The following SOD2 variants were observed in gnomAD, a reference collection of about 807,000 sequenced individuals.
SOD2 encodes the protein superoxide dismutase [Mn], mitochondrial.
A neutral mutation model predicts 27.0 loss-of-function variants in SOD2; 11 were observed. The ratio of observed to expected loss-of-function variants is 0.41; its 90% CI spans 0.26 to 0.67. The LOEUF (loss-of-function observed/expected upper bound fraction) is 0.67, where lower values mean the gene tolerates loss of function less well. SOD2 is among the 30% of genes least tolerant of loss of function. SOD2 has a pLI of 0.34. For synonymous variants in SOD2, 105 were observed against 103.0 expected (o/e 1.02, Z -0.12); for missense variants, 250 against 274.5 (o/e 0.91, Z 0.63).
intron 1 of SOD2, among the ~76,000 whole-genome samples, chr6:159,750,710 C>A (rs755028759): frequency 1.3e-5 from 2 of 151,944 alleles, no homozygotes; most frequent in Non-Finnish European, 2.9e-5. Flanking sequence ...AGTATATTTC[C>A]GTTATATTAA....
intron 1 of SOD2, chr6:159,760,213 T>G (rs1449869884): frequency 1.3e-5 from 2 of 152,224 alleles, no homozygotes; most frequent in African/African-American, 4.8e-5. Context: ...CTCACTGAGA[T>G]TACAGAAGAA....
rs67554039 is a variant in SOD2 at position 159,732,886 on chromosome 6, A to AGTGTGTGTGTGTGTGTGTGT, written c.-116+12224_-116+12243dup. Among the ~76,000 whole-genome samples, 338 of 146,468 alleles carry AGTGTGTGTGTGTGTGTGTGT rather than the reference A, an allele frequency of 2.3e-3. 1 individual carries two copies. Among genetic ancestry groups the AGTGTGTGTGTGTGTGTGTGT allele is most frequent in the African/African-American group, 8.1e-3 (309 of 38,384 alleles). ...TCTCTCTCTCTCTGTATATATATAT[A>AGTGTGTGTGTGTGTGTGTGT]GTGTGTGTGTGTGTGTGTGTGTGTG... On this transcript the variant is annotated intron_variant, in intron 1 of 3. Coordinates refer to the SOD2 transcript ENST00000537657.
At chr6:159,706,455 A>C (rs1777629224) in intron 1 of SOD2, among the ~76,000 whole-genome samples, 2 of 152,352 alleles carry the variant, frequency 1.3e-5, no homozygotes, top group South Asian at 2.1e-4. Context: ...AAAAAAAGGC[A>C]GGCATTGCAA....
chr6:159,692,915 G>A (rs779635948), intron 1 of SOD2, 52 bp from the exon 2 acceptor site: 23 of 1,462,460 alleles, frequency 1.6e-5, no homozygotes, highest in Non-Finnish European at 2.0e-5. Context: ...GACCGTCTAC[G>A]CAGGCTGGGC....
chr6:159,700,828 T>A (rs1342598657), intron 1 of SOD2, among the ~76,000 whole-genome samples: 1 of 152,162 alleles, frequency 6.6e-6, no homozygotes, highest in Non-Finnish European at 1.5e-5. Context: ...ACATAACATC[T>A]ATCTTTGTTA....
chr6:159,745,817 A>T (rs1779543137), upstream of SOD2, among the ~76,000 whole-genome samples: 1 of 152,210 alleles, frequency 6.6e-6, no homozygotes, highest in South Asian at 2.1e-4. Flanking sequence ...AATAGTTCAG[A>T]TGAAATACAT....
At chr6:159,727,669 G>C (rs1056805779), upstream of SOD2, 1 of 985,292 alleles carries the variant, frequency 1.0e-6, no homozygotes, top group African/African-American at 1.8e-5. Context: ...CGGCCTATGC[G>C]ACCGGTGGCG....
At chr6:159,762,094 G>T in exon 1 of SOD2, 1 of 1,613,302 alleles carries the variant, frequency 6.2e-7, no homozygotes, top group African/African-American at 1.3e-5. Flanking sequence ...CAAGATGAAT[G>T]CAGGCTCAGA....
In SOD2 at chr6:159,723,834, T is replaced by C. The variant is rs530416002; in HGVS notation, c.-116+3295A>G. Among the ~76,000 whole-genome samples the C allele has an allele frequency of 1.2e-4, 19 of 152,294 alleles. No homozygotes were observed. The South Asian group carries it at 2.5e-3, about 20-fold the overall frequency. ...AGTGCACTGGTGAGATCACAGCTCA[T>C]TGTAACTTTAAACTCCTGGGCTCAT... On this transcript the variant is annotated intron_variant, in intron 1 of 2. Transcript: ENST00000401980.
intron 1 of SOD2, among the ~76,000 whole-genome samples, chr6:159,722,088 G>T (rs995899378): frequency 1.2e-4 from 18 of 151,448 alleles, no homozygotes; most frequent in African/African-American, 4.1e-4. Context: ...GAAAAAAAAA[G>T]CAGGGTAGGT....
intron 1 of SOD2, among the ~76,000 whole-genome samples, chr6:159,706,626 T>C (rs1305528030): frequency 2.6e-5 from 4 of 152,114 alleles, no homozygotes; most frequent in Non-Finnish European, 5.9e-5. Context: ...ACCAAGTCCT[T>C]AGAGACCTAC....
In SOD2 at chr6:159,693,241, T is replaced by C. The variant is rs1777324083; in HGVS notation, c.-74A>G. On this transcript the variant is annotated 5_prime_UTR_variant, in exon 1 of 5. Transcript: ENST00000538183. ...CTGCCGAAGCCACCACAGCCACGAGTGCCGCTCCTGCGCCGCCCGCGGGCC... is the reference window on the plus strand; with the variant it reads ...CTGCCGAAGCCACCACAGCCACGAGCGCCGCTCCTGCGCCGCCCGCGGGCC... The C allele has an allele frequency of 4.3e-6, 6 of 1,391,372 alleles. No individual in the cohort carries two copies. The highest frequency in any genetic ancestry group is 1.3e-5 in the South Asian group (1 of 77,730). 86.2% of individuals were successfully genotyped at this position (1,391,372 alleles called of 1,614,324 possible).
intron 1 of SOD2, among the ~76,000 whole-genome samples, chr6:159,707,444 G>A (rs1275116174): frequency 9.2e-5 from 14 of 152,206 alleles, no homozygotes; most frequent in South Asian, 6.2e-4. Flanking sequence ...TATCACCACC[G>A]ATCCCACAGA....
upstream of SOD2, chr6:159,693,422 C>G (rs919232883): frequency 1.8e-5 from 3 of 163,952 alleles, no homozygotes; most frequent in South Asian, 5.5e-4. Context: ...TTGCCGTACA[C>G]CCCGCGCCCA....
intron 1 of SOD2, among the ~76,000 whole-genome samples, chr6:159,759,305 C>T (rs1290969136): frequency 5.3e-5 from 8 of 149,856 alleles, no homozygotes; most frequent in East Asian, 2.0e-4. Flanking sequence ...GTGATCTGCC[C>T]GCCTCGGCCT....
chr6:159,731,883 C>T (rs562083731), upstream of SOD2, among the ~76,000 whole-genome samples: 58 of 152,220 alleles, frequency 3.8e-4, no homozygotes, highest in Middle Eastern at 0.01. Context: ...CCTTTTAATG[C>T]CCTTTAAAAA....
In SOD2 at chr6:159,708,463, T is replaced by A. The variant is rs1030189136; in HGVS notation, c.-115-15600A>T. Among the ~76,000 whole-genome samples, 12 of 152,212 alleles carry A rather than the reference T, an allele frequency of 7.9e-5. No individual in the cohort carries two copies. In the East Asian group the frequency reaches 2.1e-3, roughly 27 times the overall value. ...AATATGCAAAAATCACTAGCATTCT[T>A]ATACATCAATAACAGACAAACGGAG... On this transcript the variant is annotated intron_variant, in intron 1 of 2. Transcript: ENST00000401980.
chr6:159,752,512 G>T (rs1249049763), intron 1 of SOD2, among the ~76,000 whole-genome samples: 1 of 152,168 alleles, frequency 6.6e-6, no homozygotes. Context: ...TCAGTAGTAT[G>T]TTGCACTAGC....
intron 2 of SOD2, 44 bp from the exon 3 acceptor site, chr6:159,688,286 T>G (rs754853460): frequency 1.8e-6 from 2 of 1,126,768 alleles, no homozygotes; most frequent in Non-Finnish European, 2.7e-6. Flanking sequence ...AACTCCTACT[T>G]TTTCAACCAC....
Sources: allele counts gnomAD v4.1 joint callset (sites outside exome capture counted in the v4.1 genomes callset), GRCh38; gene constraint gnomAD v4.1.1; transcripts MANE v1.5; gene names NCBI Gene and HGNC (gene_info 2026-07-23, HGNC 2026-07-21).